KCTD16: variants seen among roughly 807,000 people sequenced by gnomAD.
The protein encoded by KCTD16 is BTB/POZ domain-containing protein KCTD16.
Under a neutral mutation model 33.2 loss-of-function variants are expected in KCTD16, and 13 were observed. The observed-to-expected ratio is 0.39, with a 90% confidence interval of 0.25 to 0.62. The LOEUF (loss-of-function observed/expected upper bound fraction) is 0.62. KCTD16 is among the 20% of genes least tolerant of loss of function. The pLI, the probability that KCTD16 is intolerant of heterozygous loss-of-function variation, is 0.50. For missense variants in KCTD16, 441 were observed against 525.1 expected (o/e 0.84, Z 1.57); for synonymous variants, 197 against 195.3 (o/e 1.01, Z -0.07).
At chr5:144,361,535 G>A (rs559506090) in intron 3 of KCTD16, among the ~76,000 whole-genome samples, 1 of 152,216 alleles carries the variant, frequency 6.6e-6, no homozygotes, top group Admixed American at 6.5e-5. Context: ...CACTGCTGAG[G>A]CATAAACTCT....
chr5:144,370,838 G>T (rs941032081), intron 3 of KCTD16, among the ~76,000 whole-genome samples: 2 of 152,098 alleles, frequency 1.3e-5, no homozygotes, highest in Admixed American at 1.3e-4. Context: ...ATACAGAGTT[G>T]CTTAAAAGCT....
chr5:144,184,625 C>T (rs1441832016), intron 2 of KCTD16, among the ~76,000 whole-genome samples: 1 of 152,192 alleles, frequency 6.6e-6, no homozygotes, highest in African/African-American at 2.4e-5. Flanking sequence ...TACATTCCCA[C>T]CAACAGTGCA....
At chr5:144,379,261 G>A (rs1752159107) in intron 3 of KCTD16, among the ~76,000 whole-genome samples, 1 of 152,126 alleles carries the variant, frequency 6.6e-6, no homozygotes, top group Admixed American at 6.6e-5. Context: ...ATATGAGAGG[G>A]AGTCTCTTTT....
At chr5:144,171,991 T>G (rs1019255739) in intron 1 of KCTD16, among the ~76,000 whole-genome samples, 4 of 152,200 alleles carry the variant, frequency 2.6e-5, no homozygotes, top group Non-Finnish European at 5.9e-5. Context: ...AAATTTATCA[T>G]GAGCCACTGC....
At chr5:144,186,608 T>A (rs1752732422) in intron 2 of KCTD16, among the ~76,000 whole-genome samples, 1 of 152,170 alleles carries the variant, frequency 6.6e-6, no homozygotes, top group African/African-American at 2.4e-5. Flanking sequence ...AAAAACCAGT[T>A]TGTTTAAACA....
intron 3 of KCTD16, among the ~76,000 whole-genome samples, chr5:144,210,191 TA>T (rs1408913618): frequency 2.6e-5 from 4 of 152,126 alleles, no homozygotes; most frequent in Non-Finnish European, 5.9e-5. Flanking sequence ...TTACCTCATT[TA>T]AATTTTCATG....
intron 3 of KCTD16, among the ~76,000 whole-genome samples, chr5:144,412,867 C>T (rs990248149): frequency 2.6e-5 from 4 of 152,150 alleles, no homozygotes; most frequent in Admixed American, 6.5e-5. Context: ...GCCTGGGCCA[C>T]AGAGTGAGAG....
intron 3 of KCTD16, among the ~76,000 whole-genome samples, chr5:144,254,345 G>C (rs1442546578): frequency 6.6e-6 from 1 of 151,348 alleles, no homozygotes; most frequent in Non-Finnish European, 1.5e-5. Context: ...GGGTTTCACA[G>C]TGTTTGCCAG....
chr5:144,285,482 A>G, intron 3 of KCTD16, among the ~76,000 whole-genome samples: 1 of 151,962 alleles, frequency 6.6e-6, no homozygotes, highest in East Asian at 1.9e-4. Flanking sequence ...CTCTTTATCC[A>G]TCCATCGCTT....
intron 3 of KCTD16, among the ~76,000 whole-genome samples, chr5:144,231,717 A>C (rs574040949): frequency 2.5e-4 from 38 of 152,176 alleles, no homozygotes; most frequent in Non-Finnish European, 4.3e-4. Flanking sequence ...ATGGTTTTAT[A>C]AGGGGCTTTT....
chr5:144,231,180 G>A (rs1754090706), intron 3 of KCTD16, among the ~76,000 whole-genome samples: 1 of 152,068 alleles, frequency 6.6e-6, no homozygotes, highest in Admixed American at 6.6e-5. Flanking sequence ...GTTGTTTGAT[G>A]TTAACATTTT....
intron 3 of KCTD16, among the ~76,000 whole-genome samples, chr5:144,461,941 C>T (rs1286964629): frequency 1.3e-5 from 2 of 152,188 alleles, no homozygotes; most frequent in Non-Finnish European, 2.9e-5. Context: ...GCCAGAACTT[C>T]CCCGCTCTCC....
chr5:144,377,382 C>G (rs1043517852), intron 3 of KCTD16, among the ~76,000 whole-genome samples: 5 of 152,174 alleles, frequency 3.3e-5, no homozygotes, highest in Non-Finnish European at 7.3e-5. Flanking sequence ...TCAGCTCTAG[C>G]TAATTGCTGC....
intron 3 of KCTD16, among the ~76,000 whole-genome samples, chr5:144,364,331 G>T (rs1447174758): frequency 1.3e-5 from 2 of 152,116 alleles, no homozygotes; most frequent in Non-Finnish European, 2.9e-5. Flanking sequence ...GAAAAAAAAA[G>T]TTACTTTTCA....
intron 3 of KCTD16, among the ~76,000 whole-genome samples, chr5:144,332,582 T>G (rs560448805): frequency 1.3e-5 from 2 of 152,326 alleles, no homozygotes; most frequent in Admixed American, 1.3e-4. Context: ...GTCTACACAC[T>G]GGCTGACAAG....
At chr5:144,418,952 C>T (rs1483924679) in intron 3 of KCTD16, among the ~76,000 whole-genome samples, 2 of 152,028 alleles carry the variant, frequency 1.3e-5, no homozygotes, top group African/African-American at 2.4e-5. Context: ...AACCTTTGAC[C>T]CCAAAGCTCA....
At chr5:144,399,541 G>T (rs1036806530) in intron 3 of KCTD16, among the ~76,000 whole-genome samples, 1 of 151,990 alleles carries the variant, frequency 6.6e-6, no homozygotes, top group Non-Finnish European at 1.5e-5. Context: ...GCAACCATTT[G>T]ATTAGTAATG....
chr5:144,403,122 C>A (rs1456354477), intron 3 of KCTD16, among the ~76,000 whole-genome samples: 1 of 152,158 alleles, frequency 6.6e-6, no homozygotes, highest in Non-Finnish European at 1.5e-5. Flanking sequence ...TTACATCGGG[C>A]ACACCTGGAT....
At chr5:144,279,296 T>G (rs894663876) in intron 3 of KCTD16, among the ~76,000 whole-genome samples, 3 of 152,222 alleles carry the variant, frequency 2.0e-5, no homozygotes, top group African/African-American at 7.2e-5. Flanking sequence ...TTTTTTTTAT[T>G]TTTTGTACCA....
Sources: allele counts gnomAD v4.1 joint callset (sites outside exome capture counted in the v4.1 genomes callset), GRCh38; gene constraint gnomAD v4.1.1; transcripts MANE v1.5; gene names NCBI Gene and HGNC (gene_info 2026-07-23, HGNC 2026-07-21).